Variants in PLEKHA1 observed in about 807,000 individuals in gnomAD.
The protein encoded by PLEKHA1 is pleckstrin homology domain containing A1.
Under a neutral mutation model 52.0 loss-of-function variants are expected in PLEKHA1, and 34 were observed. That is an observed-to-expected ratio of 0.65 (90% confidence interval 0.50 to 0.87). PLEKHA1 has a LOEUF of 0.87. Ranked by LOEUF, PLEKHA1 falls within the 40% of genes least tolerant of loss-of-function variation. The probability of loss-of-function intolerance (pLI) is 0.00; values close to 1 mark genes in which losing one functional copy is unlikely to be tolerated. For synonymous variants in PLEKHA1, 163 were observed against 170.7 expected (o/e 0.95, Z 0.35); for missense variants, 497 against 504.2 (o/e 0.99, Z 0.14).
In PLEKHA1 at chr10:122,404,744, A is replaced by G. The variant is rs548680644; in HGVS notation, c.245-1832A>G. 8.5e-5 allele frequency among the ~76,000 whole-genome samples: 13 copies of G among 152,342 alleles called. No homozygotes were observed. In the East Asian group the frequency reaches 2.3e-3, roughly 27 times the overall value. ...AGTGTGTTAAATTTCTTTTAAGGTTATAGACTGGTTGTTTTGTAGCACTTT... is the reference window on the plus strand; with the variant it reads ...AGTGTGTTAAATTTCTTTTAAGGTTGTAGACTGGTTGTTTTGTAGCACTTT... On this transcript the variant is annotated intron_variant, in intron 4 of 11. Coordinates refer to ENST00000368990, the MANE Select transcript of PLEKHA1 (RefSeq NM_001001974.4).
At chr10:122,427,824 A>G (rs2097361783) in intron 11 of PLEKHA1, among the ~76,000 whole-genome samples, 2 of 152,214 alleles carry the variant, frequency 1.3e-5, no homozygotes, top group South Asian at 4.1e-4. Context: ...ATGTAGCATG[A>G]TAGCCTTTAT....
intron 1 of PLEKHA1, among the ~76,000 whole-genome samples, chr10:122,383,313 G>GTTTT (rs58485855): frequency 3.9e-5 from 5 of 128,382 alleles, no homozygotes; most frequent in Non-Finnish European, 8.2e-5. Context: ...CTTTCTTTCT[G>GTTTT]TTTTTTTTTT....
At chr10:122,414,330 TTCA>T (rs2097145683) in intron 6 of PLEKHA1, among the ~76,000 whole-genome samples, 1 of 152,154 alleles carries the variant, frequency 6.6e-6, no homozygotes, top group Non-Finnish European at 1.5e-5. Context: ...GTATAGATAT[TTCA>T]GTAGTTTCTA....
chr10:122,426,918 T>G (rs768043080), intron 10 of PLEKHA1, 24 bp from the exon 11 acceptor site: 1 of 1,588,580 alleles, frequency 6.3e-7, no homozygotes, highest in South Asian at 1.1e-5. Flanking sequence ...AAAAATTGTT[T>G]GAATGAGTTC....
At chr10:122,416,413 G>A (rs1019595538) in intron 7 of PLEKHA1, among the ~76,000 whole-genome samples, 43 of 152,324 alleles carry the variant, frequency 2.8e-4, no homozygotes, top group African/African-American at 9.1e-4. Context: ...CCTGACCTCC[G>A]TGGTAAGCTC....
intron 9 of PLEKHA1, among the ~76,000 whole-genome samples, chr10:122,424,674 A>G (rs550406704): frequency 6.6e-6 from 1 of 152,236 alleles, no homozygotes; most frequent in South Asian, 2.1e-4. Context: ...ATTACTAAAA[A>G]CTCTGAACTT....
chr10:122,396,557 C>G (rs2096851915), intron 2 of PLEKHA1, among the ~76,000 whole-genome samples: 1 of 151,970 alleles, frequency 6.6e-6, no homozygotes. Flanking sequence ...AAAGATCTGT[C>G]CCTGTCAACA....
chr10:122,382,282 C>A (rs945560255), intron 1 of PLEKHA1, among the ~76,000 whole-genome samples: 1 of 152,210 alleles, frequency 6.6e-6, no homozygotes, highest in Admixed American at 6.5e-5. Context: ...GACAACAACT[C>A]ATTTCCCCTG....
intron 3 of PLEKHA1, among the ~76,000 whole-genome samples, chr10:122,398,626 T>G (rs2096884445): frequency 6.6e-6 from 1 of 151,840 alleles, no homozygotes; most frequent in South Asian, 2.1e-4. Context: ...TGTGTGCATG[T>G]GTGTTACATA....
intron 1 of PLEKHA1, among the ~76,000 whole-genome samples, chr10:122,386,107 A>G (rs1477694205): frequency 3.9e-5 from 6 of 152,230 alleles, no homozygotes; most frequent in Non-Finnish European, 7.3e-5. Flanking sequence ...CCAGCAATAT[A>G]TGATAGTTCG....
At chr10:122,435,174 T>C (rs2097433621), downstream of PLEKHA1, 1 of 152,206 alleles carries the variant, frequency 6.6e-6, no homozygotes, top group African/African-American at 2.4e-5. Context: ...GCAAGAAATA[T>C]TTGTATCAAA....
chr10:122,384,467 G>A (rs201020359), intron 1 of PLEKHA1, among the ~76,000 whole-genome samples: 1 of 152,022 alleles, frequency 6.6e-6, no homozygotes, highest in East Asian at 1.9e-4. Flanking sequence ...AATTAGCCGG[G>A]TGAGGTGGTG....
intron 11 of PLEKHA1, among the ~76,000 whole-genome samples, chr10:122,429,014 A>T (rs189324576): frequency 2.8e-4 from 42 of 152,310 alleles, no homozygotes; most frequent in African/African-American, 9.4e-4. Flanking sequence ...AAGCCATATG[A>T]ATATATGACC....
intron 11 of PLEKHA1, among the ~76,000 whole-genome samples, chr10:122,427,337 G>T (rs1456803906): frequency 6.6e-6 from 1 of 152,220 alleles, no homozygotes; most frequent in East Asian, 1.9e-4. Flanking sequence ...GGCATAATCT[G>T]ACAGATTCTT....
intron 5 of PLEKHA1, chr10:122,412,634 TG>T (rs1427567580): frequency 2.8e-5 from 9 of 320,050 alleles, no homozygotes; most frequent in Middle Eastern, 9.7e-4. Context: ...ACCTCTTAGG[TG>T]GGGGTAGAGC....
At chr10:122,426,149 A>G (rs961713848) in intron 10 of PLEKHA1, among the ~76,000 whole-genome samples, 3 of 152,200 alleles carry the variant, frequency 2.0e-5, no homozygotes, top group African/African-American at 7.2e-5. Flanking sequence ...TTTGTGCATT[A>G]CTTTGCCTGA....
Position 122,429,757 on chromosome 10 carries a change from A to G in PLEKHA1, c.1034A>G (p.Tyr345Cys). The part of the protein sequence containing the change: ...STFTMEKRGF[Y>C]ESLAKVKPGN... ...TTTACCATGGAGAAGCGAGGATTTT[A>G]CGAGTCTCTTGCCAAGGTCAAGCCA... The change falls in exon 12 of 12, where the codon TAC (tyrosine) becomes TGC (cysteine). Residue 345 changes from tyrosine to cysteine, a missense_variant. Coordinates refer to ENST00000368990, the MANE Select transcript of PLEKHA1 (RefSeq NM_001001974.4). 6.2e-7 allele frequency: 1 copy of G among 1,614,166 alleles called. No homozygotes were observed. The highest frequency in any genetic ancestry group is 8.5e-7 in the Non-Finnish European group (1 of 1,180,028).
intron 4 of PLEKHA1, among the ~76,000 whole-genome samples, chr10:122,404,153 G>A (rs2096971110): frequency 1.3e-5 from 2 of 152,112 alleles, no homozygotes; most frequent in Non-Finnish European, 2.9e-5. Context: ...GAGGAGTATC[G>A]GGCTCAGAGA....
chr10:122,398,593 TTGTGTG>T (rs10653605), intron 3 of PLEKHA1, among the ~76,000 whole-genome samples: 174 of 147,562 alleles, frequency 1.2e-3, no homozygotes, highest in South Asian at 7.6e-3. Context: ...CCCTATGGGT[TTGTGTG>T]TGTGTGTGTG....
Sources: gnomAD v4.1 joint callset for allele counts (sites outside exome capture counted in the v4.1 genomes callset) on GRCh38, gnomAD v4.1.1 for gene constraint, MANE v1.5 for transcripts, NCBI Gene and HGNC (gene_info 2026-07-23, HGNC 2026-07-21) for gene names.